The following DCPS variants were observed in gnomAD, a reference collection of about 807,000 sequenced individuals.
The protein encoded by DCPS is m7GpppX diphosphatase.
Under a neutral mutation model 34.7 loss-of-function variants are expected in DCPS, and 27 were observed. The ratio of observed to expected loss-of-function variants is 0.78; its 90% CI spans 0.57 to 1.07. The LOEUF is 1.07. DCPS is among the 50% of genes least tolerant of loss of function. The probability of loss-of-function intolerance (pLI) is 0.00; values close to 1 mark genes in which losing one functional copy is unlikely to be tolerated. For missense variants in DCPS, 464 were observed against 436.9 expected (o/e 1.06, Z -0.55); for synonymous variants, 185 against 185.7 (o/e 1.00, Z 0.03).
At chr11:126,306,530 GT>G in intron 1 of DCPS, 39 bp from the exon 2 acceptor site, 2 of 1,553,028 alleles carry the variant, frequency 1.3e-6, no homozygotes, top group Non-Finnish European at 1.8e-6. Context: ...TCTCATCGTG[GT>G]TCTGCCCTTG....
chr11:126,308,794 G>A (rs542876785), intron 2 of DCPS, among the ~76,000 whole-genome samples: 71 of 136,688 alleles, frequency 5.2e-4, no homozygotes, highest in Admixed American at 8.9e-4. Context: ...GGAATTCACA[G>A]GCTGTCCTTT....
At chr11:126,324,564 C>T (rs1400319783) in intron 2 of DCPS, among the ~76,000 whole-genome samples, 2 of 151,266 alleles carry the variant, frequency 1.3e-5, no homozygotes, top group African/African-American at 4.9e-5. Flanking sequence ...AGGGATCTCC[C>T]ACTTCAGCCT....
chr11:126,330,956 G>A (rs954660792), intron 2 of DCPS, among the ~76,000 whole-genome samples: 1 of 151,430 alleles, frequency 6.6e-6, no homozygotes, highest in Non-Finnish European at 1.5e-5. Flanking sequence ...GGCTGGTCTC[G>A]AACTCCTGAC....
At chr11:126,304,534 A>T (rs1021770636) in intron 1 of DCPS, among the ~76,000 whole-genome samples, 1 of 152,170 alleles carries the variant, frequency 6.6e-6, no homozygotes, top group Non-Finnish European at 1.5e-5. Context: ...GGGAGAGTGC[A>T]TTGCAGATTA....
intron 1 of DCPS, among the ~76,000 whole-genome samples, chr11:126,305,733 GTTTT>G (rs1195299389): frequency 1.3e-5 from 2 of 151,874 alleles, no homozygotes; most frequent in African/African-American, 4.8e-5. Flanking sequence ...GTTTTTTGTT[GTTTT>G]TTGTTTGTTT....
chr11:126,307,738 T>C lies in DCPS; in HGVS notation c.376+994T>C, dbSNP rs1373548240. 2.0e-5 allele frequency among the ~76,000 whole-genome samples: 3 copies of C among 152,204 alleles called. No individual in the cohort carries two copies. In the East Asian group the frequency reaches 5.8e-4, roughly 29 times the overall value. On this transcript the variant is annotated intron_variant, in intron 2 of 5. Coordinates refer to ENST00000263579, the MANE Select transcript of DCPS (RefSeq NM_014026.6). Reference sequence around the variant, plus strand: ...ATAGATTAATCTACTAATTGAATGATAAAAATTGTCAACAACACTTAGGAA... The same window carrying C: ...ATAGATTAATCTACTAATTGAATGACAAAAATTGTCAACAACACTTAGGAA...
chr11:126,307,148 C>T (rs1951576624), intron 2 of DCPS, among the ~76,000 whole-genome samples: 1 of 151,932 alleles, frequency 6.6e-6, no homozygotes, highest in Non-Finnish European at 1.5e-5. Context: ...TCTCGGCCAA[C>T]ATGGTGAAAC....
chr11:126,330,180 CTT>C (rs535676033), intron 2 of DCPS, among the ~76,000 whole-genome samples: 155 of 147,848 alleles, frequency 1.0e-3, no homozygotes, highest in Admixed American at 1.8e-3. Flanking sequence ...CCTGGGGACA[CTT>C]TTTCCTTTCA....
At chr11:126,326,692 G>A (rs1456992362) in intron 2 of DCPS, among the ~76,000 whole-genome samples, 1 of 152,146 alleles carries the variant, frequency 6.6e-6, no homozygotes, top group Non-Finnish European at 1.5e-5. Context: ...GGGAGGCCGA[G>A]GCATGTGGAT....
chr11:126,314,517 A>C (rs1951644144), intron 2 of DCPS, among the ~76,000 whole-genome samples: 1 of 151,656 alleles, frequency 6.6e-6, no homozygotes, highest in Non-Finnish European at 1.5e-5. Context: ...ATAAGTCATT[A>C]TATGAAAAAG....
In DCPS at chr11:126,323,204, A is replaced by G. The variant is rs1213209852; in HGVS notation, c.377-8201A>G. 6.6e-6 allele frequency among the ~76,000 whole-genome samples: 1 copy of G among 152,208 alleles called. No individual in the cohort carries two copies. On this transcript the variant is annotated intron_variant, in intron 2 of 5. Coordinates refer to ENST00000263579, the MANE Select transcript of DCPS (RefSeq NM_014026.6). This position sits in a 1 kb window ranked among gnomAD's most constrained non-coding sequence, Gnocchi z 4.4. ...AAGTCTCAAAATATATCTTGCTTGC[A>G]CCATGTCTCTGGGCACAACTTGAGT...
chr11:126,340,795 T>G (rs1003694338), intron 4 of DCPS: 4 of 152,222 alleles, frequency 2.6e-5, no homozygotes, highest in Admixed American at 1.3e-4. Flanking sequence ...CCATTCAACA[T>G]GTATTTATCA....
chr11:126,339,534 G>A (rs936986177), intron 4 of DCPS, among the ~76,000 whole-genome samples: 2 of 152,250 alleles, frequency 1.3e-5, no homozygotes, highest in African/African-American at 4.8e-5. Flanking sequence ...AGGCTTGTGG[G>A]AATTCCCAAA....
rs1951905576 is a variant in DCPS, at chr11:126,344,945, C to A, written c.748-402C>A. Among the ~76,000 whole-genome samples the A allele has an allele frequency of 1.3e-5, 2 of 152,232 alleles. No individual in the cohort carries two copies. Among genetic ancestry groups the A allele is most frequent in the East Asian group, 3.8e-4 (2 of 5,204 alleles). On this transcript the variant is annotated intron_variant, in intron 5 of 5. Transcript: ENST00000263579. The surrounding 1 kb of genome is among the most constrained non-coding windows in gnomAD (Gnocchi z 8.1). ...AAGAGAGAATGAGGCTTCCTCCCATCCACTTCATGACTGATGAAATGCTTC... is the reference window on the plus strand; with the variant it reads ...AAGAGAGAATGAGGCTTCCTCCCATACACTTCATGACTGATGAAATGCTTC...
At position 126,335,301 on chromosome 11, in the gene DCPS, A is replaced by T. The variant is rs1172295896; in HGVS notation, c.523-2985A>T. 6.6e-6 allele frequency among the ~76,000 whole-genome samples: 1 copy of T among 152,264 alleles called. No individual in the cohort carries two copies. Among genetic ancestry groups the T allele is most frequent in the African/African-American group, 2.4e-5 (1 of 41,476 alleles). ...TCACCTACTGCAAAGAAGTCCAGCCAGGTGAGTTGCAGAAAGCTGATGGCA... is the reference window on the plus strand; with the variant it reads ...TCACCTACTGCAAAGAAGTCCAGCCTGGTGAGTTGCAGAAAGCTGATGGCA... On this transcript the variant is annotated intron_variant, in intron 3 of 5. Coordinates refer to ENST00000263579, the MANE Select transcript of DCPS (RefSeq NM_014026.6). This position sits in a 1 kb window ranked among gnomAD's most constrained non-coding sequence, Gnocchi z 4.8.
Position 126,333,498 on chromosome 11 carries a change from C to G in DCPS, c.522+1948C>G, listed in dbSNP as rs1370249486. Among the ~76,000 whole-genome samples the G allele has an allele frequency of 6.6e-6, 1 of 152,240 alleles. No individual in the cohort carries two copies. The highest frequency in any genetic ancestry group is 2.4e-5 in the African/African-American group (1 of 41,456). Reference sequence around the variant, plus strand: ...TGATGCAGAGGGACAGTGACCAGCGCAGACAGTTGGGACTTCACAGGGAGA... The same window carrying G: ...TGATGCAGAGGGACAGTGACCAGCGGAGACAGTTGGGACTTCACAGGGAGA... On this transcript the variant is annotated intron_variant, in intron 3 of 5. Coordinates refer to ENST00000263579, the MANE Select transcript of DCPS (RefSeq NM_014026.6). The surrounding 1 kb of genome is among the most constrained non-coding windows in gnomAD (Gnocchi z 5.7).
At position 126,306,629 on chromosome 11, in the gene DCPS, G is replaced by A. The variant is rs533266199; in HGVS notation, c.261G>A (p.Thr87=). 24 of 1,613,840 alleles carry A rather than the reference G, an allele frequency of 1.5e-5. No individual in the cohort carries two copies. Among genetic ancestry groups the A allele is most frequent in the Middle Eastern group, 3.3e-4 (2 of 6,048 alleles). The change falls in exon 2 of 6, where the codon ACG becomes ACA. Residue 87 remains threonine, a synonymous_variant. Coordinates refer to ENST00000263579, the MANE Select transcript of DCPS (RefSeq NM_014026.6). The part of the protein sequence containing the change: ...GEDAVVILEK[T]PFQVEQVAQL... Reference sequence around the variant, plus strand: ...ATGCCGTTGTGATCCTGGAGAAGACGCCATTTCAGGTGGAACAGGTGGCTC... The same window carrying A: ...ATGCCGTTGTGATCCTGGAGAAGACACCATTTCAGGTGGAACAGGTGGCTC...
At position 126,320,424 on chromosome 11, in the gene DCPS, G is replaced by T. The variant is rs1951696108; in HGVS notation, c.377-10981G>T. On this transcript the variant is annotated intron_variant, in intron 2 of 5. Transcript: ENST00000263579. The surrounding 1 kb of genome is among the most constrained non-coding windows in gnomAD (Gnocchi z 4.7). ...GGACATGGGCTTCTAGTGCAAAGGG[G>T]ACAGTTTGAATGCCCACCTACTTCC... Among the ~76,000 whole-genome samples, 1 of 152,126 alleles carries T rather than the reference G, an allele frequency of 6.6e-6. No individual in the cohort carries two copies. The highest frequency in any genetic ancestry group is 1.5e-5 in the Non-Finnish European group (1 of 68,034).
chr11:126,326,871 C>T (rs1013771806), intron 2 of DCPS, among the ~76,000 whole-genome samples: 4 of 151,274 alleles, frequency 2.6e-5, no homozygotes, highest in Non-Finnish European at 4.4e-5. Context: ...TGCAGTGAGC[C>T]GAGATCACGC....
Sources: allele counts gnomAD v4.1 joint callset (sites outside exome capture counted in the v4.1 genomes callset), GRCh38; gene constraint gnomAD v4.1.1; non-coding constraint Gnocchi (gnomAD v3.1); transcripts MANE v1.5; gene names NCBI Gene and HGNC (gene_info 2026-07-23, HGNC 2026-07-21).